NDST3: variants seen among roughly 807,000 people sequenced by gnomAD.
NDST3 encodes the protein N-deacetylase and N-sulfotransferase 3.
NDST3 carries 58 observed loss-of-function variants against 96.1 expected under a neutral mutation model. That is an observed-to-expected ratio of 0.60 (90% CI 0.49 to 0.75). NDST3 has a LOEUF of 0.75. NDST3 is among the 30% of genes least tolerant of loss of function. The pLI is 0.00. For synonymous variants in NDST3, 333 were observed against 359.7 expected, an observed-to-expected ratio of 0.93 and a Z score of 0.84; for missense variants, 788 against 1,034.2, an observed-to-expected ratio of 0.76 and a Z score of 3.27.
At chr4:118,248,808 T>G (rs1578872382) in intron 12 of NDST3, among the ~76,000 whole-genome samples, 1 of 152,206 alleles carries the variant, frequency 6.6e-6, no homozygotes, top group African/African-American at 2.4e-5. Context: ...ACTTCTTCAT[T>G]TGGGCTCTGA....
intron 2 of NDST3, among the ~76,000 whole-genome samples, chr4:118,081,069 A>T (rs1360914316): frequency 1.3e-5 from 2 of 152,218 alleles, no homozygotes; most frequent in African/African-American, 4.8e-5. Flanking sequence ...TTACTTACGC[A>T]TGTGAACCCA....
intron 3 of NDST3, among the ~76,000 whole-genome samples, chr4:118,106,873 G>A (rs1730232215): frequency 6.6e-6 from 1 of 152,032 alleles, no homozygotes; most frequent in Admixed American, 6.5e-5. Context: ...GGTGGATCGC[G>A]AGGTCAGGAG....
At chr4:118,214,305 C>A (rs539370173) in intron 6 of NDST3, among the ~76,000 whole-genome samples, 47 of 152,146 alleles carry the variant, frequency 3.1e-4, no homozygotes, top group African/African-American at 1.0e-3. Context: ...GCTGCACCAG[C>A]CACATGTGAA....
At position 118,094,410 on chromosome 4, in the gene NDST3, A is replaced by T. The variant is rs147876608; in HGVS notation, c.982-10608A>T. Among the ~76,000 whole-genome samples, 149 of 151,958 alleles carry T rather than the reference A, an allele frequency of 9.8e-4. 1 individual carries two copies. The highest frequency in any genetic ancestry group is 3.5e-3 in the African/African-American group (146 of 41,512). On this transcript the variant is annotated intron_variant, in intron 2 of 13. Transcript: ENST00000296499. ...ACACCAAACTGATCTCATTTACCAG[A>T]AGTAGCCACAGCTTACAGGTTTGTC...
At chr4:118,094,250 G>A (rs966284153) in intron 2 of NDST3, among the ~76,000 whole-genome samples, 1 of 151,448 alleles carries the variant, frequency 6.6e-6, no homozygotes, top group African/African-American at 2.4e-5. Flanking sequence ...AATTCTAGTG[G>A]ATTAAAGTTG....
chr4:118,054,776 T>G lies in NDST3; in HGVS notation c.866T>G (p.Ile289Ser). 1 of 1,613,324 alleles carries G rather than the reference T, an allele frequency of 6.2e-7. No homozygotes were observed. The highest frequency in any genetic ancestry group is 8.5e-7 in the Non-Finnish European group (1 of 1,179,438). Residue 289 changes from isoleucine to serine, a missense_variant, in exon 2 of 14, where the codon ATC becomes AGC. Physicochemically the swap from Ile to Ser is moderately radical, Grantham distance 142. This residue lies in a region of NDST3 where 490 missense variants were observed against 708.8 expected (regional missense o/e 0.69). Coordinates refer to ENST00000296499, the MANE Select transcript of NDST3 (RefSeq NM_004784.3). ...WLHKLIFIDA[I>S]SFLSGKRLTL... ...CACAAGCTCATCTTCATAGATGCCA[T>G]CTCCTTCTTATCAGGGAAGAGGCTG...
intron 7 of NDST3, 130 bp downstream of exon 7, chr4:118,224,803 C>A (rs181758953): frequency 2.8e-6 from 2 of 718,972 alleles, no homozygotes; most frequent in South Asian, 2.5e-5. Context: ...ATTTGAGAAA[C>A]TACTCCTTCC....
chr4:118,151,394 A>T (rs1023140865), intron 6 of NDST3, among the ~76,000 whole-genome samples: 9 of 149,556 alleles, frequency 6.0e-5, no homozygotes, highest in African/African-American at 2.0e-4. Context: ...TAATAATAAT[A>T]AAAAAAAGAA....
Position 118,105,228 on chromosome 4 carries a change from A to T in NDST3, c.1069+123A>T, listed in dbSNP as rs1730075037. The T allele has an allele frequency of 4.8e-6, 3 of 629,016 alleles. No homozygotes were observed. In the South Asian group the frequency reaches 8.5e-5, roughly 18 times the overall value. 39.0% of individuals were successfully genotyped at this position (629,016 alleles called of 1,614,324 possible). On this transcript the variant is annotated intron_variant, in intron 3 of 13. Transcript: ENST00000296499. Reference sequence around the variant, plus strand: ...GTTCCTCCCCAGCATTTTATCATTCAATTCTATTTAACATGCTATTTTTTA... The same window carrying T: ...GTTCCTCCCCAGCATTTTATCATTCTATTCTATTTAACATGCTATTTTTTA...
At chr4:118,151,535 T>C (rs1734399625) in intron 6 of NDST3, among the ~76,000 whole-genome samples, 1 of 152,156 alleles carries the variant, frequency 6.6e-6, no homozygotes, top group Non-Finnish European at 1.5e-5. Context: ...ATCTCTAGGA[T>C]TGACCTAGGG....
chr4:118,206,895 G>T lies in NDST3; in HGVS notation c.1540-17596G>T, dbSNP rs189311397. ...AGAATTTATCCTCAGATATATTTTC[G>T]AATGAGTGAAGTGATGCATATACCA... On this transcript the variant is annotated intron_variant, in intron 6 of 13. Coordinates refer to ENST00000296499, the MANE Select transcript of NDST3 (RefSeq NM_004784.3). 4.9e-5 allele frequency among the ~76,000 whole-genome samples: 7 copies of T among 142,806 alleles called. 1 individual carries two copies. Among genetic ancestry groups the T allele is most frequent in the Admixed American group, 4.2e-4 (6 of 14,392 alleles). 93.7% of individuals were successfully genotyped at this position (142,806 alleles called of 152,430 possible).
chr4:118,186,557 G>C (rs1829910), intron 6 of NDST3, among the ~76,000 whole-genome samples: 9,336 of 152,126 alleles, frequency 0.061, 599 homozygotes, highest in African/African-American at 0.16. Flanking sequence ...TCTCCACGTT[G>C]TTCTGCCTGC....
At chr4:118,217,238 C>A (rs996573306) in intron 6 of NDST3, among the ~76,000 whole-genome samples, 1 of 151,966 alleles carries the variant, frequency 6.6e-6, no homozygotes, top group East Asian at 1.9e-4. Flanking sequence ...GATCAACAAC[C>A]AAGACAAGTT....
intron 9 of NDST3, among the ~76,000 whole-genome samples, chr4:118,234,692 C>G (rs931591988): frequency 6.6e-6 from 1 of 151,588 alleles, no homozygotes; most frequent in Non-Finnish European, 1.5e-5. Flanking sequence ...ATAAATTTTA[C>G]AAAAATATAT....
At chr4:118,233,891 T>G (rs544070170) in intron 9 of NDST3, among the ~76,000 whole-genome samples, 1 of 152,344 alleles carries the variant, frequency 6.6e-6, no homozygotes, top group South Asian at 2.1e-4. Context: ...TAGTCATATA[T>G]ATCTCTTGTC....
chr4:118,176,517 T>C (rs779769492), intron 6 of NDST3, among the ~76,000 whole-genome samples: 1 of 152,104 alleles, frequency 6.6e-6, no homozygotes, highest in Non-Finnish European at 1.5e-5. Context: ...AATGCTCTTA[T>C]GAATCCATTG....
chr4:118,083,664 T>A (rs929135750), intron 2 of NDST3, among the ~76,000 whole-genome samples: 4 of 152,150 alleles, frequency 2.6e-5, no homozygotes, highest in Non-Finnish European at 5.9e-5. Flanking sequence ...TCTTGAAGAC[T>A]TATTATGTGT....
intron 6 of NDST3, among the ~76,000 whole-genome samples, chr4:118,171,060 T>C (rs1394631660): frequency 6.6e-6 from 1 of 152,168 alleles, no homozygotes; most frequent in Non-Finnish European, 1.5e-5. Flanking sequence ...TTGGGGTGTT[T>C]TAGAAACAGC....
chr4:118,236,450 A>C (rs1161706097), intron 9 of NDST3, among the ~76,000 whole-genome samples: 1 of 152,194 alleles, frequency 6.6e-6, no homozygotes, highest in Non-Finnish European at 1.5e-5. Flanking sequence ...TAGTTTTTAA[A>C]CTTCTCTTAC....
Sources: allele counts gnomAD v4.1 joint callset (sites outside exome capture counted in the v4.1 genomes callset), GRCh38; gene constraint gnomAD v4.1.1; regional missense constraint gnomAD v4.1.1; transcripts MANE v1.5; gene names NCBI Gene and HGNC (gene_info 2026-07-23, HGNC 2026-07-21).